The following CSMD2 variants were observed in gnomAD, a reference collection of about 807,000 sequenced individuals.
The protein encoded by CSMD2 is CUB and sushi domain-containing protein 2.
Under a neutral mutation model 398.5 loss-of-function variants are expected in CSMD2, and 130 were observed. The ratio of observed to expected loss-of-function variants is 0.33; its 90% CI spans 0.28 to 0.38. The LOEUF (loss-of-function observed/expected upper bound fraction) is 0.38, where lower values mean the gene tolerates loss of function less well. CSMD2 is among the 10% of genes least tolerant of loss of function. The probability of loss-of-function intolerance (pLI) is 1.00; values close to 1 mark genes in which losing one functional copy is unlikely to be tolerated. For synonymous variants in CSMD2, 1,828 were observed against 1,908.5 expected (o/e 0.96, Z 1.10); for missense variants, 3,829 against 4,764.9 (o/e 0.80, Z 5.78).
chr1:33,736,072 T>G (rs1403470732), intron 15 of CSMD2, among the ~76,000 whole-genome samples: 1 of 152,170 alleles, frequency 6.6e-6, no homozygotes, highest in African/African-American at 2.4e-5. Flanking sequence ...TGCCCATCGC[T>G]CTGAGAAAAC....
intron 1 of CSMD2, among the ~76,000 whole-genome samples, chr1:34,138,366 T>C (rs1285870986): frequency 6.6e-6 from 1 of 152,250 alleles, no homozygotes; most frequent in East Asian, 1.9e-4. Context: ...TTTGCAAATA[T>C]GTAGAAGTTC....
intron 1 of CSMD2, among the ~76,000 whole-genome samples, chr1:34,160,240 C>T (rs2148582155): frequency 6.6e-6 from 1 of 152,332 alleles, no homozygotes; most frequent in Admixed American, 6.5e-5. Context: ...ACACACTCAC[C>T]AGCCCTAGAT....
At chr1:33,893,932 G>A (rs187573949) in intron 5 of CSMD2, among the ~76,000 whole-genome samples, 67 of 152,340 alleles carry the variant, frequency 4.4e-4, no homozygotes, top group African/African-American at 1.5e-3. Flanking sequence ...CAGTCCTCTT[G>A]CTCACTGGCT....
At chr1:33,917,270 C>T (rs963666077) in intron 5 of CSMD2, among the ~76,000 whole-genome samples, 31 of 152,324 alleles carry the variant, frequency 2.0e-4, no homozygotes, top group African/African-American at 7.2e-4. Context: ...GATGCCCCAT[C>T]CTTGCTTGAA....
intron 1 of CSMD2, among the ~76,000 whole-genome samples, chr1:34,129,856 C>G (rs1030748040): frequency 6.6e-6 from 1 of 152,160 alleles, no homozygotes. Context: ...ACTGAATTCA[C>G]AGTCCCTTCT....
intron 12 of CSMD2, among the ~76,000 whole-genome samples, chr1:33,775,318 T>C (rs981573264): frequency 6.6e-6 from 1 of 152,220 alleles, no homozygotes; most frequent in Non-Finnish European, 1.5e-5. Flanking sequence ...CTGTCTTTGA[T>C]TCAAATGTTG....
At chr1:33,675,046 G>C (rs1174405605) in intron 25 of CSMD2, among the ~76,000 whole-genome samples, 1 of 152,180 alleles carries the variant, frequency 6.6e-6, no homozygotes, top group Admixed American at 6.5e-5. Context: ...ACAATTAAAA[G>C]AACTAGAGAA....
chr1:33,975,724 G>A (rs1339469717), intron 3 of CSMD2, among the ~76,000 whole-genome samples: 1 of 152,170 alleles, frequency 6.6e-6, no homozygotes, highest in East Asian at 1.9e-4. Context: ...GGAAGCTGGT[G>A]CAGCCTGGTT....
At chr1:33,571,345 T>A (rs761314211) in intron 51 of CSMD2, among the ~76,000 whole-genome samples, 187 bp downstream of exon 51, 5 of 152,212 alleles carry the variant, frequency 3.3e-5, no homozygotes, top group African/African-American at 4.8e-5. Context: ...AAGAAATACT[T>A]CCTTAAAGGA....
Position 33,725,377 on chromosome 1 carries a change from C to A in CSMD2, c.2667G>T (p.Ser889=). The change falls in exon 17 of 71, where the codon TCG becomes TCT. Residue 889 remains serine, a synonymous_variant. Coordinates refer to ENST00000373381, the MANE Select transcript of CSMD2 (RefSeq NM_001281956.2). ...CATAGCGGAGCTGGAAGCCGATGTC[C>A]GAGTGACTCTTGTCGGTAGAGAAGA... ...YLLFSTDKSH[S]DIGFQLRYET... 6.2e-7 allele frequency: 1 copy of A among 1,613,986 alleles called. No individual in the cohort carries two copies. Among genetic ancestry groups the A allele is most frequent in the Non-Finnish European group, 8.5e-7 (1 of 1,179,956 alleles).
intron 3 of CSMD2, among the ~76,000 whole-genome samples, chr1:33,957,120 G>C (rs759887098): frequency 1.3e-5 from 2 of 151,580 alleles, no homozygotes; most frequent in Non-Finnish European, 2.9e-5. Context: ...CTCTCTCCAA[G>C]GCTGTCTTAT....
chr1:33,538,803 A>G (rs1656048220), intron 60 of CSMD2, among the ~76,000 whole-genome samples: 1 of 152,152 alleles, frequency 6.6e-6, no homozygotes, highest in South Asian at 2.1e-4. Flanking sequence ...GGCACAATCC[A>G]TTATTGATGA....
chr1:34,138,179 T>C (rs1638936966), intron 1 of CSMD2, among the ~76,000 whole-genome samples: 2 of 152,196 alleles, frequency 1.3e-5, no homozygotes, highest in African/African-American at 4.8e-5. Context: ...CCTTTTATGA[T>C]CCTTCTGGGG....
intron 3 of CSMD2, among the ~76,000 whole-genome samples, chr1:33,980,960 G>GA (rs770393664): frequency 1.2e-4 from 19 of 152,194 alleles, no homozygotes; most frequent in Non-Finnish European, 1.5e-5. Context: ...AGAACTGAGA[G>GA]AAAGTAACAT....
intron 29 of CSMD2, 50 bp downstream of exon 29, chr1:33,646,598 C>A: frequency 6.3e-7 from 1 of 1,593,812 alleles, no homozygotes; most frequent in South Asian, 1.1e-5. Flanking sequence ...TTGCCCTCTG[C>A]CTTGTTAGCT....
rs373033950 is a variant in CSMD2, at chr1:33,852,685, C to G, written c.921-5689G>C. Reference sequence around the variant, plus strand: ...GTTGACCATCTCTTCAACTAGCAGGCAAGCTCCATGGGAGCTGGAATAAAA... The same window carrying G: ...GTTGACCATCTCTTCAACTAGCAGGGAAGCTCCATGGGAGCTGGAATAAAA... On this transcript the variant is annotated intron_variant, in intron 5 of 70. Coordinates refer to ENST00000373381, the MANE Select transcript of CSMD2 (RefSeq NM_001281956.2). Among the ~76,000 whole-genome samples the G allele has an allele frequency of 4.6e-5, 7 of 152,258 alleles. No homozygotes were observed. The East Asian group carries it at 9.6e-4, about 21-fold the overall frequency.
chr1:33,540,449 A>C, intron 60 of CSMD2, 76 bp downstream of exon 60: 1 of 1,519,200 alleles, frequency 6.6e-7, no homozygotes, highest in South Asian at 1.2e-5. Context: ...TGGGCCTTCC[A>C]GCCACAAAGC....
At chr1:33,749,343 C>T (rs940334228) in intron 13 of CSMD2, among the ~76,000 whole-genome samples, 2 of 152,088 alleles carry the variant, frequency 1.3e-5, no homozygotes, top group African/African-American at 4.8e-5. Context: ...TCATGATCCA[C>T]CCGCCTCGGC....
chr1:33,888,047 A>G (rs10914803), intron 5 of CSMD2, among the ~76,000 whole-genome samples: 67,658 of 151,848 alleles, frequency 0.45, 15,074 homozygotes, highest in East Asian at 0.53. Flanking sequence ...ACCTAGGAAA[A>G]AAACCTAACA....
Sources: allele counts gnomAD v4.1 joint callset (sites outside exome capture counted in the v4.1 genomes callset), GRCh38; gene constraint gnomAD v4.1.1; transcripts MANE v1.5; gene names NCBI Gene and HGNC (gene_info 2026-07-23, HGNC 2026-07-21).